VPS26A: variants seen among roughly 807,000 people sequenced by gnomAD.
VPS26A encodes VPS26 retromer complex component A, also known as vacuolar protein sorting-associated protein 26A.
VPS26A carries 22 observed loss-of-function variants against 42.4 expected under a neutral mutation model. The ratio of observed to expected loss-of-function variants is 0.52; its 90% CI spans 0.37 to 0.74. VPS26A has a LOEUF of 0.74. Among genes scored for constraint, VPS26A ranks in the 30% least tolerant of loss-of-function variants. The pLI is 0.00. For synonymous variants in VPS26A, 110 were observed against 123.5 expected (o/e 0.89, Z 0.73); for missense variants, 276 against 379.2 (o/e 0.73, Z 2.26).
At chr10:69,147,785 T>C (rs1163838156) in intron 2 of VPS26A, among the ~76,000 whole-genome samples, 2 of 152,216 alleles carry the variant, frequency 1.3e-5, no homozygotes, top group Non-Finnish European at 2.9e-5. Flanking sequence ...CAATCTCGGC[T>C]CACTGCAACC....
intron 2 of VPS26A, among the ~76,000 whole-genome samples, chr10:69,140,526 C>A (rs1039855720): frequency 1.3e-5 from 2 of 152,012 alleles, no homozygotes; most frequent in Non-Finnish European, 2.9e-5. Context: ...GGCACACTAC[C>A]ACGCCCAATT....
chr10:69,162,401 A>C lies in VPS26A; in HGVS notation c.552-5A>C. ...TATTTAGTGAGATATGTTCTTCCCCAATAGGTATCATTTAAAGGATGTGAT... is the reference window on the plus strand; with the variant it reads ...TATTTAGTGAGATATGTTCTTCCCCCATAGGTATCATTTAAAGGATGTGAT... On this transcript the variant is annotated splice_region_variant and splice_polypyrimidine_tract_variant and intron_variant, in intron 5 of 8. Transcript: ENST00000263559. The C allele has an allele frequency of 7.3e-7, 1 of 1,375,368 alleles. No individual in the cohort carries two copies. The highest frequency in any genetic ancestry group is 1.0e-6 in the Non-Finnish European group (1 of 980,468). The allele number at this position is 1,375,368 out of a possible 1,614,324, so 85.2% of individuals were successfully genotyped here.
chr10:69,141,976 C>T (rs1172069504), intron 2 of VPS26A, among the ~76,000 whole-genome samples: 5 of 152,096 alleles, frequency 3.3e-5, no homozygotes, highest in South Asian at 2.1e-4. Flanking sequence ...CTCTGCCTCC[C>T]GGGTTCAAGT....
At chr10:69,132,254 C>G (rs1377822620) in intron 1 of VPS26A, among the ~76,000 whole-genome samples, 1 of 151,852 alleles carries the variant, frequency 6.6e-6, no homozygotes, top group Admixed American at 6.6e-5. Context: ...GAATTAACTT[C>G]TTAGATTTCT....
chr10:69,155,698 A>G (rs1841417992), intron 2 of VPS26A, 114 bp from the exon 3 acceptor site: 1 of 818,048 alleles, frequency 1.2e-6, no homozygotes, highest in Non-Finnish European at 2.0e-6. Flanking sequence ...TGGTGTCTCA[A>G]ACTTCATAAA....
chr10:69,125,063 A>G (rs1840620522), intron 1 of VPS26A, among the ~76,000 whole-genome samples: 1 of 152,164 alleles, frequency 6.6e-6, no homozygotes, highest in African/African-American at 2.4e-5. Flanking sequence ...GGCAGTCTCT[A>G]GGTTAGATCT....
intron 7 of VPS26A, 117 bp from the exon 8 acceptor site, chr10:69,168,372 T>C (rs1841740272): frequency 8.7e-7 from 1 of 1,146,528 alleles, no homozygotes; most frequent in Non-Finnish European, 1.2e-6. Context: ...GTCTTTGTTA[T>C]TTTGCATCTC....
intron 1 of VPS26A, among the ~76,000 whole-genome samples, 182 bp downstream of exon 1, chr10:69,124,462 T>A (rs527323097): frequency 6.6e-6 from 1 of 152,026 alleles, no homozygotes; most frequent in Non-Finnish European, 1.5e-5. Context: ...CTCTTCCCGG[T>A]CTCGGCGAGG....
chr10:69,165,233 G>A (rs541860474), intron 6 of VPS26A, among the ~76,000 whole-genome samples: 4 of 152,012 alleles, frequency 2.6e-5, no homozygotes, highest in African/African-American at 4.8e-5. Context: ...TGGCCTCATC[G>A]TCGGGTTTTT....
chr10:69,155,744 G>C, intron 2 of VPS26A, 68 bp from the exon 3 acceptor site: 2 of 1,202,744 alleles, frequency 1.7e-6, no homozygotes, highest in Non-Finnish European at 2.4e-6. Flanking sequence ...GCATTCATCT[G>C]AAAGGAAGCT....
chr10:69,173,822 G>A lies in VPS26A; in HGVS notation c.*2553G>A, dbSNP rs1564691854. Among the ~76,000 whole-genome samples the A allele has an allele frequency of 1.3e-5, 2 of 152,194 alleles. No homozygotes were observed. Among genetic ancestry groups the A allele is most frequent in the East Asian group, 3.8e-4 (2 of 5,198 alleles). On this transcript the variant is annotated 3_prime_UTR_variant, in exon 9 of 9. Transcript: ENST00000263559. ...TCGAGACCAGCCTGACCAACGTGGA[G>A]AAACTCCATCTCTACCAAAAATGCA...
chr10:69,134,238 G>A (rs145073748), intron 2 of VPS26A, among the ~76,000 whole-genome samples: 24 of 152,052 alleles, frequency 1.6e-4, no homozygotes, highest in Middle Eastern at 3.4e-3. Context: ...TCTAATCTCC[G>A]CATTAATTGA....
intron 1 of VPS26A, among the ~76,000 whole-genome samples, chr10:69,128,068 T>C (rs1047192202): frequency 7.1e-6 from 1 of 140,314 alleles, no homozygotes; most frequent in African/African-American, 3.3e-5. Context: ...GTTTTTCACA[T>C]ATTTTTAATG....
chr10:69,155,913 T>A, intron 3 of VPS26A, 26 bp downstream of exon 3: 1 of 1,546,372 alleles, frequency 6.5e-7, no homozygotes, highest in Non-Finnish European at 8.8e-7. Flanking sequence ...GTATTATTTC[T>A]TTTTCTTTGA....
rs1472821 is a variant in VPS26A at position 69,171,470 on chromosome 10, C to T, written c.*201C>T. The T allele has an allele frequency of 0.016, 6,592 of 411,030 alleles. 392 individuals carry two copies. Among genetic ancestry groups the T allele is most frequent in the African/African-American group, 0.13 (5,934 of 47,328 alleles). 25.5% of individuals were successfully genotyped at this position (411,030 alleles called of 1,614,324 possible). A position where few individuals can be genotyped will look rare whatever the true frequency, so the allele number is the denominator to read the frequency against. On this transcript the variant is annotated 3_prime_UTR_variant, in exon 9 of 9. Transcript: ENST00000263559. ...TCATGTATATACATTTTTAAAAGTG[C>T]TTTCTTTGAAACACTGGAACTTTGT...
At chr10:69,165,981 A>G (rs1318050978) in intron 6 of VPS26A, 61 bp from the exon 7 acceptor site, 53 of 1,489,730 alleles carry the variant, frequency 3.6e-5, no homozygotes, top group Non-Finnish European at 4.7e-5. Flanking sequence ...ATAAGAAGGC[A>G]TAAGGCTAGT....
intron 1 of VPS26A, among the ~76,000 whole-genome samples, chr10:69,130,228 C>T (rs1840748032): frequency 6.6e-6 from 1 of 152,190 alleles, no homozygotes; most frequent in Admixed American, 6.5e-5. Context: ...CCATACGCTG[C>T]CTTAGATGAG....
chr10:69,125,059 C>T (rs930335161), intron 1 of VPS26A, among the ~76,000 whole-genome samples: 2 of 152,178 alleles, frequency 1.3e-5, no homozygotes, highest in Non-Finnish European at 2.9e-5. Context: ...TGTCGGCAGT[C>T]TCTAGGTTAG....
chr10:69,172,867 CT>C lies in VPS26A; in HGVS notation c.*1600del, dbSNP rs1239125984. 1.3e-5 allele frequency: 2 copies of C among 152,344 alleles called. No homozygotes were observed. The highest frequency in any genetic ancestry group is 4.8e-5 in the African/African-American group (2 of 41,452). 9.4% of individuals were successfully genotyped at this position (152,344 alleles called of 1,614,324 possible). The stretch of plus-strand genomic sequence containing the variant: ...TAAAGAATTTGAAACAGAAACTGAG[CT>C]TGCTGTTTGCATGATTAAAATAGCT... On this transcript the variant is annotated 3_prime_UTR_variant, in exon 9 of 9. Coordinates refer to ENST00000263559, the MANE Select transcript of VPS26A (RefSeq NM_004896.5).
Sources: allele counts gnomAD v4.1 joint callset (sites outside exome capture counted in the v4.1 genomes callset), GRCh38; gene constraint gnomAD v4.1.1; transcripts MANE v1.5; gene names NCBI Gene and HGNC (gene_info 2026-07-23, HGNC 2026-07-21).